The following CLRN3 variants were observed in gnomAD, a reference collection of about 807,000 sequenced individuals.
CLRN3 encodes clarin-3.
In CLRN3, 12 loss-of-function variants were observed where a neutral mutation model predicts 16.7. That is an observed-to-expected ratio of 0.72 (90% CI 0.46 to 1.16). The LOEUF is 1.16. Among genes scored for constraint, CLRN3 ranks in the 50% most tolerant of loss-of-function variants. The pLI, the probability that CLRN3 is intolerant of heterozygous loss-of-function variation, is 0.00. For missense variants in CLRN3, 296 were observed against 274.2 expected (o/e 1.08, Z -0.56); for synonymous variants, 118 against 113.0 (o/e 1.04, Z -0.28).
At chr10:127,883,524 T>C (rs1845154599) in intron 2 of CLRN3, among the ~76,000 whole-genome samples, 172 bp downstream of exon 2, 1 of 152,226 alleles carries the variant, frequency 6.6e-6, no homozygotes. Flanking sequence ...AGATGCTTCA[T>C]AAACACTTTG....
chr10:127,888,817 A>C (rs993826762), intron 1 of CLRN3, among the ~76,000 whole-genome samples: 66 of 152,182 alleles, frequency 4.3e-4, no homozygotes, highest in Non-Finnish European at 5.9e-5. Flanking sequence ...GGACTTAAAA[A>C]ACAATACCCA....
rs77237126 is a variant in CLRN3, at chr10:127,886,121, C to T, written c.230-2246G>A. ...CCCAGGCTGGTCTCCAATTCCTAAG[C>T]TCGAGTGATCCTCCCTCCTTGGCCT... On this transcript the variant is annotated intron_variant, in intron 1 of 2. Transcript: ENST00000368671. Among the ~76,000 whole-genome samples the T allele has an allele frequency of 1.4e-3, 212 of 152,230 alleles. 2 individuals carry two copies. The East Asian group carries it at 0.027, about 19-fold the overall frequency.
chr10:127,881,236 G>C (rs970037205), intron 2 of CLRN3, among the ~76,000 whole-genome samples: 2 of 152,226 alleles, frequency 1.3e-5, no homozygotes, highest in African/African-American at 4.8e-5. Context: ...AAGGAAGGTG[G>C]CAGGAATTCC....
intron 2 of CLRN3, among the ~76,000 whole-genome samples, chr10:127,881,753 T>G (rs1027314580): frequency 2.6e-5 from 4 of 152,160 alleles, no homozygotes; most frequent in African/African-American, 9.7e-5. Context: ...GAAATTTTTT[T>G]CTCCTGGGGC....
At chr10:127,884,040 C>T (rs1197538280) in intron 1 of CLRN3, 165 bp from the exon 2 acceptor site, 2 of 660,736 alleles carry the variant, frequency 3.0e-6, no homozygotes, top group East Asian at 2.7e-5. Flanking sequence ...CCGCATTCCC[C>T]ACTGGAGGCT....
At chr10:127,882,639 G>A (rs755119190) in intron 2 of CLRN3, among the ~76,000 whole-genome samples, 8 of 152,130 alleles carry the variant, frequency 5.3e-5, no homozygotes, top group Non-Finnish European at 1.0e-4. Context: ...CGCCTACCTC[G>A]TGGTAAGGAT....
intron 2 of CLRN3, among the ~76,000 whole-genome samples, chr10:127,878,715 C>A (rs1395428508): frequency 6.6e-6 from 1 of 152,174 alleles, no homozygotes; most frequent in Non-Finnish European, 1.5e-5. Context: ...GTGGTGAATG[C>A]AGTAGTGTGC....
At chr10:127,887,845 C>T (rs1004877364) in intron 1 of CLRN3, among the ~76,000 whole-genome samples, 1 of 152,180 alleles carries the variant, frequency 6.6e-6, no homozygotes, top group South Asian at 2.1e-4. Context: ...AGGGGGCAAG[C>T]GTGTGAATCA....
At chr10:127,880,978 CA>C (rs1248974897) in intron 2 of CLRN3, among the ~76,000 whole-genome samples, 1 of 152,100 alleles carries the variant, frequency 6.6e-6, no homozygotes, top group Non-Finnish European at 1.5e-5. Flanking sequence ...GTAAGTTCTC[CA>C]ACCCTCAAAG....
intron 1 of CLRN3, among the ~76,000 whole-genome samples, chr10:127,884,718 T>C (rs1159584198): frequency 6.6e-6 from 1 of 152,236 alleles, no homozygotes; most frequent in African/African-American, 2.4e-5. Context: ...TTCCTGGTTT[T>C]GCCTTTCTCA....
Position 127,878,318 on chromosome 10 carries a change from T to C in CLRN3, c.512A>G (p.Lys171Arg). ...GTATCCGTAACTGTGGGTCGTTCCT[T>C]TACTGGTGGTTGCCGGGTAAAGCAT... The part of the protein sequence containing the change: ...FQMLYPATTS[K>R]GTTHSYGYSF... The change falls in exon 3 of 3, where the codon AAA becomes AGA. Residue 171 changes from lysine (K) to arginine (R), a missense_variant. By Grantham distance (26) the Lys-to-Arg change is conservative. Transcript: ENST00000368671. 6.2e-7 allele frequency: 1 copy of C among 1,614,196 alleles called. No individual in the cohort carries two copies. Among genetic ancestry groups the C allele is most frequent in the Non-Finnish European group, 8.5e-7 (1 of 1,180,046 alleles).
intron 1 of CLRN3, among the ~76,000 whole-genome samples, chr10:127,887,343 A>G (rs1040575637): frequency 6.6e-6 from 1 of 152,182 alleles, no homozygotes; most frequent in South Asian, 2.1e-4. Context: ...ACTCCTTAGC[A>G]AAAAAGGAGC....
rs554438958 is a variant in CLRN3 at position 127,881,735 on chromosome 10, G to T, written c.409+1961C>A. Among the ~76,000 whole-genome samples, 18 of 152,312 alleles carry T rather than the reference G, an allele frequency of 1.2e-4. No individual in the cohort carries two copies. The South Asian group carries it at 3.5e-3, about 30-fold the overall frequency. ...GCCCAGGACTTTCTCTGAATTTGGA[G>T]GAAATGAGAAATTTTTTTCTCCTGG... On this transcript the variant is annotated intron_variant, in intron 2 of 2. Transcript: ENST00000368671.
chr10:127,878,002 A>G lies in CLRN3; in HGVS notation c.*147T>C. 1 of 997,042 alleles carries G rather than the reference A, an allele frequency of 1.0e-6. No individual in the cohort carries two copies. The highest frequency in any genetic ancestry group is 1.4e-6 in the Non-Finnish European group (1 of 690,276). 61.8% of individuals were successfully genotyped at this position (997,042 alleles called of 1,614,324 possible). On this transcript the variant is annotated 3_prime_UTR_variant, in exon 3 of 3. Coordinates refer to ENST00000368671, the MANE Select transcript of CLRN3 (RefSeq NM_152311.5). ...TGGGAAAAATTTTCAGGAGTACAGC[A>G]TCAATGAAGAACACAGTGTCATGAA...
chr10:127,884,298 C>A (rs564823568), intron 1 of CLRN3, among the ~76,000 whole-genome samples: 1 of 150,534 alleles, frequency 6.6e-6, no homozygotes, highest in African/African-American at 2.4e-5. Flanking sequence ...GGTAGGTCAC[C>A]CTGAAAACCT....
At chr10:127,883,002 CTG>C (rs1487105234) in intron 2 of CLRN3, among the ~76,000 whole-genome samples, 1 of 152,224 alleles carries the variant, frequency 6.6e-6, no homozygotes, top group Non-Finnish European at 1.5e-5. Context: ...AGCCAGAAGA[CTG>C]TGAGTCAAAG....
intron 2 of CLRN3, among the ~76,000 whole-genome samples, chr10:127,881,957 C>G (rs1370441012): frequency 6.6e-6 from 1 of 152,228 alleles, no homozygotes; most frequent in Non-Finnish European, 1.5e-5. Flanking sequence ...CTCGTACTTT[C>G]TTAGTTGCAT....
chr10:127,890,946 C>G lies in CLRN3; in HGVS notation c.229+1610G>C, dbSNP rs59696633. Among the ~76,000 whole-genome samples the G allele has an allele frequency of 2.0e-5, 3 of 152,332 alleles. No homozygotes were observed. The East Asian group carries it at 5.8e-4, about 29-fold the overall frequency. On this transcript the variant is annotated intron_variant, in intron 1 of 2. Coordinates refer to ENST00000368671, the MANE Select transcript of CLRN3 (RefSeq NM_152311.5). ...GTCAACCAGAGTGACAGTGCAGCCC[C>G]TTCATTAATTGGGTGGTGGTTCACC...
At chr10:127,883,621 G>A in intron 2 of CLRN3, 75 bp downstream of exon 2, 2 of 1,037,546 alleles carry the variant, frequency 1.9e-6, no homozygotes, top group Non-Finnish European at 3.1e-6. Context: ...GTTCATGCAT[G>A]TGTGAGAGGC....
Sources: gnomAD v4.1 joint callset for allele counts (sites outside exome capture counted in the v4.1 genomes callset) on GRCh38, gnomAD v4.1.1 for gene constraint, MANE v1.5 for transcripts, NCBI Gene and HGNC (gene_info 2026-07-23, HGNC 2026-07-21) for gene names.